The following GGT7 variants were observed in gnomAD, a reference collection of about 807,000 sequenced individuals.
The protein encoded by GGT7 is gamma-glutamyltransferase 7, also known as glutathione hydrolase 7.
GGT7 carries 30 observed loss-of-function variants against 69.2 expected under a neutral mutation model. The observed-to-expected ratio is 0.43, with a 90% CI of 0.32 to 0.59. The LOEUF is 0.59. GGT7 is among the 20% of genes least tolerant of loss of function. The pLI is 0.05. For missense variants in GGT7, 733 were observed against 901.1 expected (o/e 0.81, Z 2.39); for synonymous variants, 388 against 391.8 (o/e 0.99, Z 0.12).
rs2079566053 is a variant in GGT7 at position 34,860,155 on chromosome 20, A to AG, written c.743+98dup. On this transcript the variant is annotated intron_variant, in intron 5 of 14. Coordinates refer to ENST00000336431, the MANE Select transcript of GGT7 (RefSeq NM_178026.3). ...CCTGGCAAGGGAAGGGGATATTAGG[A>AG]GGGGGAGTTGGGAAAGGAAGAATCC... is the stretch of plus-strand genomic sequence containing the variant. 8 of 1,034,068 alleles carry AG rather than the reference A, an allele frequency of 7.7e-6. No individual in the cohort carries two copies. The South Asian group carries it at 1.0e-4, about 13-fold the overall frequency. The allele number at this position is 1,034,068 out of a possible 1,614,324, so 64.1% of individuals were successfully genotyped here.
Position 34,845,138 on chromosome 20 carries a change from A to ACCACCC in GGT7, c.*189_*190insGGGTGG. 1.3e-5 allele frequency: 4 copies of ACCACCC among 317,248 alleles called. No individual in the cohort carries two copies. The highest frequency in any genetic ancestry group is 2.6e-5 in the South Asian group (1 of 38,722). 19.7% of individuals were successfully genotyped at this position (317,248 alleles called of 1,614,324 possible). ...CACCACCACCACCACCACCACCACC[A>ACCACCC]CCACCACCACCACCACAGGCCTCCT... On this transcript the variant is annotated 3_prime_UTR_variant, in exon 15 of 15. Transcript: ENST00000336431.
chr20:34,854,491 C>T, intron 10 of GGT7, 40 bp downstream of exon 10: 1 of 1,251,760 alleles, frequency 8.0e-7, no homozygotes, highest in Non-Finnish European at 1.2e-6. Context: ...CCCACACCCA[C>T]CGCTGCCTCT....
Position 34,851,294 on chromosome 20 carries a change from G to A in GGT7, c.1662C>T (p.Leu554=), listed in dbSNP as rs760102754. 6.2e-7 allele frequency: 1 copy of A among 1,613,964 alleles called. No individual in the cohort carries two copies. The highest frequency in any genetic ancestry group is 8.5e-7 in the Non-Finnish European group (1 of 1,180,032). The change falls in exon 13 of 15, where the codon CTC becomes CTT. Residue 554 remains leucine (L), a synonymous_variant. Coordinates refer to ENST00000336431, the MANE Select transcript of GGT7 (RefSeq NM_178026.3). ...CCCCCAGAGCGAGGTAGGTTCCACA[G>A]AGCCCCTCCGCGGGTCGGACCACTG... is the stretch of plus-strand genomic sequence containing the variant. ...LPTVVRPAEG[L]CGTYLALGAN... is the part of the protein sequence containing the mutation.
Position 34,852,419 on chromosome 20 carries a change from C to A in GGT7, c.1439G>T (p.Gly480Val), listed in dbSNP as rs1186282437. ...CATGGCCACAATGAAGTCATCAGGTCCCATGATCAGCACCTGGGCAGCCGT... is the reference window on the plus strand; with the variant it reads ...CATGGCCACAATGAAGTCATCAGGTACCATGATCAGCACCTGGGCAGCCGT... ...APTAAQVLIM[G>V]PDDFIVAMVS... is the part of the protein sequence containing the mutation. Residue 480 changes from glycine to valine, a missense_variant, in exon 11 of 15, where the codon GGA becomes GTA. Physicochemically the swap from Gly to Val is moderately radical, Grantham distance 109. Coordinates refer to ENST00000336431, the MANE Select transcript of GGT7 (RefSeq NM_178026.3). 6.2e-6 allele frequency: 10 copies of A among 1,614,090 alleles called. No homozygotes were observed. Among genetic ancestry groups the A allele is most frequent in the Non-Finnish European group, 8.5e-6 (10 of 1,179,998 alleles).
At chr20:34,860,072 G>T in intron 5 of GGT7, 30 bp from the exon 6 acceptor site, 1 of 1,113,048 alleles carries the variant, frequency 9.0e-7, no homozygotes. Flanking sequence ...GGGGGTGGAG[G>T]AGGTCCTGGG....
chr20:34,853,978 C>G (rs781514709), intron 10 of GGT7, among the ~76,000 whole-genome samples: 9 of 152,266 alleles, frequency 5.9e-5, no homozygotes, highest in Non-Finnish European at 8.8e-5. Flanking sequence ...ACTCTGTCAC[C>G]CAGGCTGGAG....
intron 12 of GGT7, 24 bp from the exon 13 acceptor site, chr20:34,851,392 C>A (rs773835971): frequency 5.6e-6 from 9 of 1,598,884 alleles, no homozygotes; most frequent in Non-Finnish European, 7.7e-6. Context: ...ACAGAGACCA[C>A]AAGGGGCAGG....
rs1017963365 is a variant in GGT7, at chr20:34,852,161, G to A, written c.1581C>T (p.Pro527=). The A allele has an allele frequency of 1.2e-6, 2 of 1,600,642 alleles. No individual in the cohort carries two copies. Among genetic ancestry groups the A allele is most frequent in the African/African-American group, 2.7e-5 (2 of 74,774 alleles). ...GCAGGGAAGCAAATCCTACCAGGCT[G>A]GGTGCAGAGTGGTTAGCTGTCCGGT... ...WPNRTANHSA[P]SLENSVQPGK... is the part of the protein sequence containing the mutation. Residue 527 remains proline, a synonymous_variant, in exon 12 of 15, where the codon CCC becomes CCT. Coordinates refer to ENST00000336431, the MANE Select transcript of GGT7 (RefSeq NM_178026.3).
chr20:34,850,777 C>T (rs746235061), intron 13 of GGT7: 1 of 491,276 alleles, frequency 2.0e-6, no homozygotes, highest in Non-Finnish European at 4.1e-6. Flanking sequence ...AGATCGTTAA[C>T]TCACCACCTG....
chr20:34,859,171 T>TA (rs11357916), intron 7 of GGT7, among the ~76,000 whole-genome samples: 73 of 143,980 alleles, frequency 5.1e-4, no homozygotes, highest in Middle Eastern at 3.6e-3. Flanking sequence ...CTCCGTCTCA[T>TA]AAAAAAAAAA....
At chr20:34,849,461 A>C (rs1019257731) in intron 14 of GGT7, among the ~76,000 whole-genome samples, 1 of 152,072 alleles carries the variant, frequency 6.6e-6, no homozygotes, top group African/African-American at 2.4e-5. Context: ...CATTGCACCC[A>C]GTTTCTTTCT....
Position 34,851,336 on chromosome 20 carries a change from G to A in GGT7, c.1620C>T (p.Leu540=). The A allele has an allele frequency of 6.2e-7, 1 of 1,613,860 alleles. No individual in the cohort carries two copies. Among genetic ancestry groups the A allele is most frequent in the South Asian group, 1.1e-5 (1 of 91,060 alleles). The change falls in exon 13 of 15, where the codon CTC becomes CTT. Residue 540 remains leucine, a synonymous_variant. Transcript: ENST00000336431. ...ENSVQPGKRP[L]SFLLPTVVRP... is the part of the protein sequence containing the mutation. ...GGACCACTGTGGGCAGCAGGAAAGA[G>A]AGTGGCCGCTTCCCTGGCTGCACTG...
At chr20:34,870,501 G>A (rs914494683) in intron 1 of GGT7, among the ~76,000 whole-genome samples, 2 of 151,994 alleles carry the variant, frequency 1.3e-5, no homozygotes, top group Admixed American at 6.6e-5. Context: ...TTGTTTGTTT[G>A]TTTTTTTGAG....
Position 34,852,206 on chromosome 20 carries a change from C to T in GGT7, c.1536G>A (p.Met512Ile). 1 of 1,614,076 alleles carries T rather than the reference C, an allele frequency of 6.2e-7. No individual in the cohort carries two copies. The highest frequency in any genetic ancestry group is 8.5e-7 in the Non-Finnish European group (1 of 1,179,912). Residue 512 changes from methionine (M) to isoleucine (I), a missense_variant, in exon 12 of 15, where the codon ATG (methionine) becomes ATA (isoleucine). Coordinates refer to ENST00000336431, the MANE Select transcript of GGT7 (RefSeq NM_178026.3). ...TPSGILLNSQ[M>I]LDFSWPNRTA... ...TCCGGTTGGGCCAGGAGAAGTCCAGCATCTGGCTGTTGAGCAGGATCCCCG... is the reference window on the plus strand; with the variant it reads ...TCCGGTTGGGCCAGGAGAAGTCCAGTATCTGGCTGTTGAGCAGGATCCCCG...
At position 34,854,511 on chromosome 20, in the gene GGT7, A is replaced by T; in HGVS notation, c.1319+20T>A. 2 of 1,499,888 alleles carry T rather than the reference A, an allele frequency of 1.3e-6. No individual in the cohort carries two copies. Among genetic ancestry groups the T allele is most frequent in the South Asian group, 2.3e-5 (2 of 88,278 alleles). The allele number at this position is 1,499,888 out of a possible 1,614,324, so 92.9% of individuals were successfully genotyped here. On this transcript the variant is annotated intron_variant, in intron 10 of 14. Coordinates refer to ENST00000336431, the MANE Select transcript of GGT7 (RefSeq NM_178026.3). ...ACCCACCGCTGCCTCTGTAGCCCCC[A>T]GGTCCTGCCCAAGACCCACCTGAGC...
intron 1 of GGT7, among the ~76,000 whole-genome samples, chr20:34,871,057 C>G (rs1054695119): frequency 1.6e-4 from 24 of 152,182 alleles, no homozygotes; most frequent in Non-Finnish European, 4.4e-5. Flanking sequence ...CATGAGCCAC[C>G]GCGCCCGGCC....
rs749227229 is a variant in GGT7 at position 34,863,569 on chromosome 20, T to C, written c.170-21A>G. On this transcript the variant is annotated intron_variant, in intron 1 of 14. Coordinates refer to ENST00000336431, the MANE Select transcript of GGT7 (RefSeq NM_178026.3). The surrounding 1 kb of genome is among the most constrained non-coding windows in gnomAD (Gnocchi z 4.4). The stretch of plus-strand genomic sequence containing the variant: ...CGGGTCTGCGGGCAGGCAGCCGGGG[T>C]CGGTCTGGGCATCTCCTATCTGGCC... The C allele has an allele frequency of 6.6e-7, 1 of 1,516,284 alleles. No homozygotes were observed. The allele number at this position is 1,516,284 out of a possible 1,614,324, so 93.9% of individuals were successfully genotyped here.
At position 34,863,290 on chromosome 20, in the gene GGT7, C is replaced by T; in HGVS notation, c.405+23G>A. On this transcript the variant is annotated intron_variant, in intron 2 of 14. Coordinates refer to ENST00000336431, the MANE Select transcript of GGT7 (RefSeq NM_178026.3). The surrounding 1 kb of genome is among the most constrained non-coding windows in gnomAD (Gnocchi z 4.4). ...CACTCCCCACTCCCCAGTTTCCTCC[C>T]CCTCCCCATTTGTCCCCCTCACCTG... 6.5e-7 allele frequency: 1 copy of T among 1,541,620 alleles called. No homozygotes were observed. The highest frequency in any genetic ancestry group is 1.1e-5 in the South Asian group (1 of 88,232).
chr20:34,845,365 G>C lies in GGT7; in HGVS notation c.1952C>G (p.Pro651Arg). 6.2e-7 allele frequency: 1 copy of C among 1,614,124 alleles called. No homozygotes were observed. Among genetic ancestry groups the C allele is most frequent in the Admixed American group, 1.7e-5 (1 of 60,010 alleles). Reference protein sequence around the residue: ...TNNFIIAVKDPRSPDAAGATI... With the variant: ...TNNFIIAVKDRRSPDAAGATI... ...GGCTCCAGCTGCATCTGGGCTCCGA[G>C]GGTCCTTAACAGCGATGATGAAGTT... is the stretch of plus-strand genomic sequence containing the variant. Residue 651 changes from proline (P) to arginine (R), a missense_variant, in exon 15 of 15, where the codon CCT (proline) becomes CGT (arginine). Coordinates refer to ENST00000336431, the MANE Select transcript of GGT7 (RefSeq NM_178026.3).
Sources: gnomAD v4.1 joint callset for allele counts (sites outside exome capture counted in the v4.1 genomes callset) on GRCh38, gnomAD v4.1.1 for gene constraint, Gnocchi (gnomAD v3.1) non-coding constraint, MANE v1.5 for transcripts, NCBI Gene and HGNC (gene_info 2026-07-23, HGNC 2026-07-21) for gene names.